Variants in GRM1 observed in about 807,000 individuals in gnomAD.
GRM1 encodes glutamate metabotropic receptor 1, also known as metabotropic glutamate receptor 1.
Under a neutral mutation model 90.9 loss-of-function variants are expected in GRM1, and 33 were observed. That is an observed-to-expected ratio of 0.36 (90% CI 0.28 to 0.49). The LOEUF (loss-of-function observed/expected upper bound fraction) is 0.49. Among genes scored for constraint, GRM1 ranks in the 20% least tolerant of loss-of-function variants. The pLI is 0.99. For synonymous variants in GRM1, 700 were observed against 613.2 expected, an observed-to-expected ratio of 1.14 and a Z score of -2.09; for missense variants, 1,190 against 1,534.3, an observed-to-expected ratio of 0.78 and a Z score of 3.75.
intron 1 of GRM1, among the ~76,000 whole-genome samples, chr6:146,152,464 C>T (rs906384982): frequency 1.3e-5 from 2 of 151,762 alleles, no homozygotes; most frequent in Admixed American, 6.6e-5. Flanking sequence ...TGTGTCATGC[C>T]TTCACACCTA....
chr6:146,072,858 C>G (rs552934123), intron 1 of GRM1, among the ~76,000 whole-genome samples: 3 of 152,028 alleles, frequency 2.0e-5, no homozygotes, highest in African/African-American at 7.2e-5. Context: ...TTTCTTGATG[C>G]GCTGTGCTAT....
intron 1 of GRM1, among the ~76,000 whole-genome samples, chr6:146,035,722 G>A (rs983970032): frequency 3.3e-5 from 5 of 151,658 alleles, no homozygotes; most frequent in African/African-American, 7.3e-5. Flanking sequence ...AAAATATAAG[G>A]CCATTTATTA....
intron 2 of GRM1, among the ~76,000 whole-genome samples, chr6:146,220,667 T>G (rs976877694): frequency 2.0e-5 from 3 of 152,264 alleles, no homozygotes; most frequent in Middle Eastern, 3.4e-3. Context: ...TTTCCTTCTT[T>G]TCATATATAA....
chr6:146,051,505 G>C (rs1180428018), intron 1 of GRM1, among the ~76,000 whole-genome samples: 1 of 152,114 alleles, frequency 6.6e-6, no homozygotes, highest in African/African-American at 2.4e-5. Context: ...GCATCTAACT[G>C]CTCCCATCCC....
Position 146,435,034 on chromosome 6 carries a change from T to C in GRM1, c.*238T>C. 1 of 600,472 alleles carries C rather than the reference T, an allele frequency of 1.7e-6. No homozygotes were observed. The highest frequency in any genetic ancestry group is 3.0e-6 in the Non-Finnish European group (1 of 337,222). The allele number at this position is 600,472 out of a possible 1,614,324, so 37.2% of individuals were successfully genotyped here. On this transcript the variant is annotated 3_prime_UTR_variant, in exon 8 of 8. Coordinates refer to ENST00000282753, the MANE Select transcript of GRM1 (RefSeq NM_001278064.2). The stretch of plus-strand genomic sequence containing the variant: ...TTCTTGAATTACTCGAAGCCTTCTC[T>C]GGGAAGAAAGGGAATTCTGACAAAG...
At chr6:146,128,980 G>C (rs1294550527) in intron 1 of GRM1, among the ~76,000 whole-genome samples, 2 of 152,096 alleles carry the variant, frequency 1.3e-5, no homozygotes, top group Admixed American at 1.3e-4. Context: ...TTTAGATGTG[G>C]TTTCCAGAAG....
At chr6:146,054,348 T>C (rs934479118) in intron 1 of GRM1, among the ~76,000 whole-genome samples, 1 of 152,080 alleles carries the variant, frequency 6.6e-6, no homozygotes, top group African/African-American at 2.4e-5. Flanking sequence ...CATCATATAT[T>C]TTCTCTCCCA....
chr6:146,322,263 C>T lies in GRM1; in HGVS notation c.1186+17417C>T, dbSNP rs556121777. Among the ~76,000 whole-genome samples, 24 of 152,342 alleles carry T rather than the reference C, an allele frequency of 1.6e-4. No individual in the cohort carries two copies. The South Asian group carries it at 2.7e-3, about 17-fold the overall frequency. ...CAGCAAAGATTGCTGTCTATTCCTT[C>T]CTCTGGAAGCTTCATCCCAGAGGGT... On this transcript the variant is annotated intron_variant, in intron 3 of 7. Transcript: ENST00000282753.
At chr6:146,153,034 G>T (rs139046395) in intron 1 of GRM1, among the ~76,000 whole-genome samples, 1 of 152,152 alleles carries the variant, frequency 6.6e-6, no homozygotes, top group Non-Finnish European at 1.5e-5. Context: ...GGGTGGGCTC[G>T]TGGCTGGGTG....
chr6:146,221,589 C>T (rs909630164), intron 2 of GRM1, among the ~76,000 whole-genome samples: 1 of 152,146 alleles, frequency 6.6e-6, no homozygotes, highest in African/African-American at 2.4e-5. Context: ...TTTATTCAGT[C>T]TATCATTGAT....
At chr6:146,190,241 A>G (rs571074906) in intron 2 of GRM1, among the ~76,000 whole-genome samples, 1 of 152,358 alleles carries the variant, frequency 6.6e-6, no homozygotes, top group Admixed American at 6.5e-5. Context: ...TTTTCCAGTG[A>G]AAAGCTGAAA....
intron 2 of GRM1, among the ~76,000 whole-genome samples, chr6:146,183,607 C>T (rs1778624630): frequency 2.0e-5 from 3 of 152,204 alleles, no homozygotes; most frequent in Admixed American, 6.5e-5. Context: ...AAAAAGACGG[C>T]CAGAATAGAT....
intron 1 of GRM1, among the ~76,000 whole-genome samples, chr6:146,145,079 A>G (rs1316820277): frequency 6.6e-6 from 1 of 152,244 alleles, no homozygotes; most frequent in Non-Finnish European, 1.5e-5. Context: ...AAGAAGCTGC[A>G]TGGTTGCTTT....
intron 7 of GRM1, among the ~76,000 whole-genome samples, chr6:146,428,464 T>C (rs1455771007): frequency 6.6e-6 from 1 of 152,222 alleles, no homozygotes; most frequent in Non-Finnish European, 1.5e-5. Flanking sequence ...TGCATTTCTT[T>C]GTTGGGAAAT....
chr6:146,175,680 T>G (rs1027313371), intron 2 of GRM1, among the ~76,000 whole-genome samples: 2 of 152,118 alleles, frequency 1.3e-5, no homozygotes, highest in Non-Finnish European at 2.9e-5. Context: ...TCTGGGTCAT[T>G]GGAAGTTTTT....
chr6:146,034,914 AAGT>A (rs1790831553), intron 1 of GRM1, among the ~76,000 whole-genome samples: 1 of 152,010 alleles, frequency 6.6e-6, no homozygotes, highest in African/African-American at 2.4e-5. Context: ...TTCGGTTACT[AAGT>A]AGTTTTTACT....
chr6:146,386,464 A>G lies in GRM1; in HGVS notation c.1603-426A>G, dbSNP rs362912. 6.9e-3 allele frequency among the ~76,000 whole-genome samples: 1,057 copies of G among 152,208 alleles called. 10 individuals carry two copies. Among genetic ancestry groups the G allele is most frequent in the Middle Eastern group, 0.034 (10 of 294 alleles). ...TCATAATTACAACAAAAATTGTATA[A>G]TTACTTAGCTTTGATGAATTAAAAG... On this transcript the variant is annotated intron_variant, in intron 5 of 7. Transcript: ENST00000282753.
At chr6:146,430,676 G>A (rs1778375612) in intron 7 of GRM1, among the ~76,000 whole-genome samples, 1 of 152,124 alleles carries the variant, frequency 6.6e-6, no homozygotes, top group Non-Finnish European at 1.5e-5. Context: ...AAATGGATTT[G>A]ATTTTACATA....
intron 1 of GRM1, among the ~76,000 whole-genome samples, chr6:146,070,312 A>C (rs1320983865): frequency 6.6e-6 from 1 of 152,164 alleles, no homozygotes; most frequent in Non-Finnish European, 1.5e-5. Context: ...TAGGAAAAAA[A>C]CTGGGCACAT....
Sources: allele counts gnomAD v4.1 joint callset (sites outside exome capture counted in the v4.1 genomes callset), GRCh38; gene constraint gnomAD v4.1.1; transcripts MANE v1.5; gene names NCBI Gene and HGNC (gene_info 2026-07-23, HGNC 2026-07-21).